The following SPATA6L variants were observed in gnomAD, a reference collection of about 807,000 sequenced individuals.
SPATA6L encodes the protein spermatogenesis associated 6-like protein.
SPATA6L carries 68 observed loss-of-function variants against 49.2 expected under a neutral mutation model. The observed-to-expected ratio is 1.38, with a 90% CI of 1.14 to 1.69. SPATA6L has a LOEUF of 1.69. Ranked by LOEUF, SPATA6L falls within the 40% of genes most tolerant of loss-of-function variation. The pLI is 0.00. For missense variants in SPATA6L, 668 were observed against 464.3 expected, an observed-to-expected ratio of 1.44 and a Z score of -4.03; for synonymous variants, 198 against 165.7, an observed-to-expected ratio of 1.19 and a Z score of -1.50.
chr9:4,666,238 C>G lies in SPATA6L; in HGVS notation c.13G>C (p.Val5Leu). 6.2e-7 allele frequency: 1 copy of G among 1,614,162 alleles called. No individual in the cohort carries two copies. Among genetic ancestry groups the G allele is most frequent in the South Asian group, 1.1e-5 (1 of 91,072 alleles). The change falls in exon 1 of 12, where the codon GTG becomes CTG. Residue 5 changes from valine (V) to leucine (L), a missense_variant. Coordinates refer to ENST00000682582, the MANE Select transcript of SPATA6L (RefSeq NM_001353486.2). ...GCCCGGATCTGCAGCTCCACCACCA[C>G]CTCCAGAGGCATCGTTCCCTGCGTG... is the stretch of plus-strand genomic sequence containing the variant. MPLEVVVELQIRAIS... is the reference protein window; with the variant it reads MPLELVVELQIRAIS...
intron 7 of SPATA6L, among the ~76,000 whole-genome samples, chr9:4,620,154 A>G (rs1828946789): frequency 1.3e-5 from 2 of 152,164 alleles, no homozygotes; most frequent in Admixed American, 6.5e-5. Context: ...AGGAGTCAGC[A>G]ATGCTAAGGC....
intron 13 of SPATA6L, among the ~76,000 whole-genome samples, chr9:4,590,869 G>A (rs1163904378): frequency 6.6e-6 from 1 of 152,178 alleles, no homozygotes; most frequent in Non-Finnish European, 1.5e-5. Flanking sequence ...CTGACAGACT[G>A]CAGGCTCTGG....
At chr9:4,633,482 A>G (rs1033317337) in intron 4 of SPATA6L, 1 of 157,142 alleles carries the variant, frequency 6.4e-6, no homozygotes, top group Non-Finnish European at 1.4e-5. Context: ...AAAAAAGATG[A>G]TATCTGCCAA....
intron 2 of SPATA6L, among the ~76,000 whole-genome samples, chr9:4,660,623 T>C (rs142136366): frequency 0.018 from 2,724 of 152,320 alleles, 87 homozygotes; most frequent in African/African-American, 0.062. Flanking sequence ...GACAGTGTGG[T>C]GATTCCTCAA....
chr9:4,644,424 T>C (rs1021888076), intron 3 of SPATA6L, among the ~76,000 whole-genome samples: 1 of 151,652 alleles, frequency 6.6e-6, no homozygotes, highest in Admixed American at 6.6e-5. Flanking sequence ...GGAAAGCTAA[T>C]AACAGAAAAA....
intron 8 of SPATA6L, 28 bp from the exon 9 acceptor site, chr9:4,618,138 G>T: frequency 6.4e-7 from 1 of 1,563,400 alleles, no homozygotes; most frequent in African/African-American, 1.4e-5. Context: ...TTATTTAGTT[G>T]TAATTTTGCT....
chr9:4,615,365 T>A (rs558501441), intron 9 of SPATA6L, among the ~76,000 whole-genome samples: 56 of 152,200 alleles, frequency 3.7e-4, no homozygotes, highest in Non-Finnish European at 6.5e-4. Context: ...CCTAGCAGAT[T>A]GAGTATCATT....
chr9:4,651,948 A>G (rs1330773547), intron 3 of SPATA6L, among the ~76,000 whole-genome samples: 1 of 152,204 alleles, frequency 6.6e-6, no homozygotes, highest in Non-Finnish European at 1.5e-5. Context: ...GATTCTAGCC[A>G]GGGAAATTAG....
At chr9:4,594,704 C>A (rs376502505), downstream of SPATA6L, among the ~76,000 whole-genome samples, 5 of 152,050 alleles carry the variant, frequency 3.3e-5, no homozygotes, top group Non-Finnish European at 7.4e-5. Flanking sequence ...CTTTGTGAAG[C>A]GAGTGACCCA....
intron 10 of SPATA6L, 67 bp downstream of exon 10, chr9:4,605,280 T>G (rs1418949154): frequency 1.6e-6 from 2 of 1,226,776 alleles, no homozygotes. Context: ...TCTCCCCGAC[T>G]AGACTGTAGG....
intron 9 of SPATA6L, among the ~76,000 whole-genome samples, chr9:4,605,940 G>C (rs1439372383): frequency 6.6e-6 from 1 of 152,166 alleles, no homozygotes; most frequent in Non-Finnish European, 1.5e-5. Flanking sequence ...GTGGGCGCAG[G>C]CCAGTGTGTG....
chr9:4,628,241 T>C (rs1380957490), intron 5 of SPATA6L: 1 of 181,792 alleles, frequency 5.5e-6, no homozygotes, highest in Non-Finnish European at 1.2e-5. Flanking sequence ...AATTTTAAAA[T>C]AACTAAAAGA....
chr9:4,620,833 AAGG>A (rs1156567037), intron 7 of SPATA6L, among the ~76,000 whole-genome samples: 1 of 152,208 alleles, frequency 6.6e-6, no homozygotes, highest in Non-Finnish European at 1.5e-5. Context: ...CTCCCCAGGA[AAGG>A]ACATTTGCTG....
chr9:4,635,252 C>T (rs748848475), intron 4 of SPATA6L, 23 bp downstream of exon 4: 9 of 1,498,860 alleles, frequency 6.0e-6, no homozygotes, highest in Non-Finnish European at 7.9e-6. Context: ...TAATAGAAGC[C>T]CAGATGAGCA....
At chr9:4,627,400 T>G (rs1230273694) in intron 5 of SPATA6L, 1 of 168,288 alleles carries the variant, frequency 5.9e-6, no homozygotes, top group East Asian at 1.8e-4. Context: ...GCTAAGAGTT[T>G]TGATAGATTT....
At chr9:4,661,276 A>T (rs1839659995) in intron 2 of SPATA6L, among the ~76,000 whole-genome samples, 1 of 152,224 alleles carries the variant, frequency 6.6e-6, no homozygotes, top group African/African-American at 2.4e-5. Flanking sequence ...CAAAACAAAA[A>T]TGTTAAGAGA....
intron 1 of SPATA6L, among the ~76,000 whole-genome samples, chr9:4,665,725 T>C (rs1012713245): frequency 6.6e-6 from 1 of 152,242 alleles, no homozygotes; most frequent in African/African-American, 2.4e-5. Flanking sequence ...GAAATAGTGA[T>C]TGATTGATTT....
chr9:4,661,989 G>A lies in SPATA6L; in HGVS notation c.87C>T (p.Leu29=). 3 of 1,614,058 alleles carry A rather than the reference G, an allele frequency of 1.9e-6. No individual in the cohort carries two copies. Among genetic ancestry groups the A allele is most frequent in the Non-Finnish European group, 2.5e-6 (3 of 1,179,992 alleles). The change falls in exon 2 of 12, where the codon CTC becomes CTT. Residue 29 remains leucine, a synonymous_variant. Transcript: ENST00000682582. ...GGTACTGATTCATGAGGTAGACCCCGAGGTACACATCTTGTTTGCCAGGCA... is the reference window on the plus strand; with the variant it reads ...GGTACTGATTCATGAGGTAGACCCCAAGGTACACATCTTGTTTGCCAGGCA... ...VFLPGKQDVY[L]GVYLMNQYLE... is the part of the protein sequence containing the mutation.
In SPATA6L at chr9:4,625,359, C is replaced by T. The variant is rs185210069; in HGVS notation, c.637G>A (p.Gly213Arg). ...LNLGNNFKIS[G>R]GSKPPFVVRH... is the part of the protein sequence containing the mutation. ...ACAACAAATGGAGGCTTGCTTCCTC[C>T]AGAGATTTTGAAATTATTTCCAAGG... is the stretch of plus-strand genomic sequence containing the variant. Residue 213 changes from glycine to arginine, a missense_variant, in exon 6 of 12, where the codon GGA becomes AGA. By Grantham distance (125) the Gly-to-Arg change is moderately radical. Transcript: ENST00000682582. The T allele has an allele frequency of 1.5e-3, 2,376 of 1,613,748 alleles. 4 individuals carry two copies. Among genetic ancestry groups the T allele is most frequent in the Non-Finnish European group, 1.8e-3 (2,136 of 1,179,886 alleles).
Sources: gnomAD v4.1 joint callset for allele counts (sites outside exome capture counted in the v4.1 genomes callset) on GRCh38, gnomAD v4.1.1 for gene constraint, MANE v1.5 for transcripts, NCBI Gene and HGNC (gene_info 2026-07-23, HGNC 2026-07-21) for gene names.